Variants in AFG2A observed in about 807,000 individuals in gnomAD.
The protein encoded by AFG2A is ATPase family gene 2 protein homolog A.
At chr4:122,975,861 G>A in the AFG2A span, among the ~76,000 whole-genome samples, 1 of 152,072 alleles carries the variant, frequency 6.6e-6, no homozygotes, top group African/African-American at 2.4e-5. Context: ...GGCAGATAAA[G>A]CAAGTGGGTA....
chr4:122,976,293 G>A, the AFG2A span, among the ~76,000 whole-genome samples: 168 of 152,300 alleles, frequency 1.1e-3, no homozygotes, highest in African/African-American at 3.7e-3. Context: ...ACTAAAGGTC[G>A]TCACAGATCA....
chr4:123,036,428 A>G, the AFG2A span, among the ~76,000 whole-genome samples: 1 of 152,150 alleles, frequency 6.6e-6, no homozygotes, highest in African/African-American at 2.4e-5. Context: ...CTTTGGGACA[A>G]AATGTTGAAT....
chr4:122,931,713 C>T, the AFG2A span, among the ~76,000 whole-genome samples: 3 of 152,164 alleles, frequency 2.0e-5, no homozygotes, highest in African/African-American at 7.2e-5. Flanking sequence ...TTCTTCACTA[C>T]ACTGCTGTGT....
the AFG2A span, among the ~76,000 whole-genome samples, chr4:122,948,387 T>TACACACACACAC: frequency 1.5e-3 from 200 of 129,616 alleles, 1 homozygote; most frequent in Non-Finnish European, 2.4e-3. Context: ...CTCCAGAGTA[T>TACACACACACAC]ACACACACAC....
the AFG2A span, among the ~76,000 whole-genome samples, chr4:123,045,239 C>T: frequency 6.6e-6 from 1 of 152,126 alleles, no homozygotes; most frequent in African/African-American, 2.4e-5. Flanking sequence ...CAGTCACAAA[C>T]ATTTTTTTCT....
chr4:122,999,524 T>C, the AFG2A span, among the ~76,000 whole-genome samples: 1 of 152,174 alleles, frequency 6.6e-6, no homozygotes, highest in African/African-American at 2.4e-5. Context: ...GCTTTCTACA[T>C]ATGGCTAGCC....
chr4:123,198,917 T>A, the AFG2A span, among the ~76,000 whole-genome samples: 1 of 152,234 alleles, frequency 6.6e-6, no homozygotes, highest in Non-Finnish European at 1.5e-5. Flanking sequence ...CTGGAGCTTC[T>A]TGTGGTAGCC....
At chr4:123,094,290 A>T in the AFG2A span, among the ~76,000 whole-genome samples, 1 of 152,156 alleles carries the variant, frequency 6.6e-6, no homozygotes, top group African/African-American at 2.4e-5. Flanking sequence ...CCTAAATTCC[A>T]AGAGCCGGGG....
chr4:123,004,994 C>A, the AFG2A span, among the ~76,000 whole-genome samples: 298 of 152,116 alleles, frequency 2.0e-3, 1 homozygote, highest in African/African-American at 6.7e-3. Context: ...GAATTTATGG[C>A]CAAAGAGTCA....
chr4:123,304,922 A>T, the AFG2A span, among the ~76,000 whole-genome samples: 1 of 152,178 alleles, frequency 6.6e-6, no homozygotes. Context: ...TCACTCACTC[A>T]CACAAGAAAT....
the AFG2A span, among the ~76,000 whole-genome samples, chr4:123,032,703 C>T: frequency 1.3e-5 from 2 of 152,226 alleles, no homozygotes; most frequent in Non-Finnish European, 2.9e-5. Flanking sequence ...TATAAGCCAC[C>T]ACGCCAGGCC....
At chr4:123,298,733 T>G in the AFG2A span, among the ~76,000 whole-genome samples, 1 of 152,156 alleles carries the variant, frequency 6.6e-6, no homozygotes, top group Non-Finnish European at 1.5e-5. Flanking sequence ...AGAAAACAAA[T>G]CAAGAGTGTT....
the AFG2A span, among the ~76,000 whole-genome samples, chr4:123,218,518 T>G: frequency 1.3e-5 from 2 of 152,214 alleles, no homozygotes; most frequent in Admixed American, 6.5e-5. Context: ...ATGGTGTTGC[T>G]TATGTTTGAT....
chr4:123,007,646 C>CA, the AFG2A span, among the ~76,000 whole-genome samples: 1,486 of 36,184 alleles, frequency 0.041, 57 homozygotes, highest in African/African-American at 0.087. Flanking sequence ...ACACACAACA[C>CA]ACACACACAC....
At chr4:123,292,639 G>T in the AFG2A span, among the ~76,000 whole-genome samples, 2 of 152,144 alleles carry the variant, frequency 1.3e-5, no homozygotes, top group Non-Finnish European at 2.9e-5. Context: ...AAGTTCCTTG[G>T]TTATAAAACA....
At chr4:123,041,056 TAAATG>T in the AFG2A span, among the ~76,000 whole-genome samples, 7 of 151,868 alleles carry the variant, frequency 4.6e-5, no homozygotes, top group Non-Finnish European at 1.0e-4. Flanking sequence ...TTATCTGTCT[TAAATG>T]AAAGATAATA....
chr4:123,280,315 CT>C, the AFG2A span, among the ~76,000 whole-genome samples: 1 of 152,128 alleles, frequency 6.6e-6, no homozygotes, highest in Admixed American at 6.5e-5. Flanking sequence ...TCTACCACTA[CT>C]TTTTTTAAAT....
the AFG2A span, among the ~76,000 whole-genome samples, chr4:123,059,871 T>C: frequency 5.3e-5 from 8 of 152,150 alleles, no homozygotes; most frequent in East Asian, 9.6e-4. Context: ...TGGTATTTCA[T>C]TGTGGTTTTG....
At chr4:123,138,672 A>G in the AFG2A span, among the ~76,000 whole-genome samples, 23 of 152,238 alleles carry the variant, frequency 1.5e-4, no homozygotes, top group East Asian at 5.8e-4. Context: ...TAATCATAAC[A>G]GCGTACACTT....
Sources: gnomAD v4.1 joint callset for allele counts (sites outside exome capture counted in the v4.1 genomes callset) on GRCh38, gnomAD v4.1.1 for gene constraint, MANE v1.5 for transcripts, NCBI Gene and HGNC (gene_info 2026-07-23, HGNC 2026-07-21) for gene names.